Variants in NEGR1 observed in about 807,000 individuals in gnomAD.
NEGR1 encodes the protein neuronal growth regulator 1.
Under a neutral mutation model 40.9 loss-of-function variants are expected in NEGR1, and 10 were observed. The observed-to-expected ratio is 0.24, with a 90% CI of 0.15 to 0.42. The LOEUF (loss-of-function observed/expected upper bound fraction) is 0.42. Among genes scored for constraint, NEGR1 ranks in the 10% least tolerant of loss-of-function variants. The pLI is 1.00. For synonymous variants in NEGR1, 185 were observed against 166.8 expected, an observed-to-expected ratio of 1.11 and a Z score of -0.84; for missense variants, 352 against 438.9, an observed-to-expected ratio of 0.80 and a Z score of 1.77.
chr1:71,683,773 A>AAT (rs1652920285), intron 4 of NEGR1, among the ~76,000 whole-genome samples: 1 of 144,298 alleles, frequency 6.9e-6, no homozygotes, highest in Admixed American at 6.9e-5. Flanking sequence ...GTTACTTAGG[A>AAT]TTTTTTTTTT....
At chr1:71,996,998 T>G (rs1302146146) in intron 1 of NEGR1, among the ~76,000 whole-genome samples, 5 of 152,134 alleles carry the variant, frequency 3.3e-5, no homozygotes, top group African/African-American at 1.2e-4. Flanking sequence ...AGAGCTATGC[T>G]CTACTTCTCC....
At chr1:71,529,663 T>C (rs537913801) in intron 6 of NEGR1, among the ~76,000 whole-genome samples, 1 of 151,274 alleles carries the variant, frequency 6.6e-6, no homozygotes, top group East Asian at 2.0e-4. Context: ...AAGATTACAC[T>C]GGTTTAGTAA....
intron 2 of NEGR1, among the ~76,000 whole-genome samples, chr1:71,795,279 G>T (rs116207115): frequency 0.029 from 4,474 of 151,972 alleles, 99 homozygotes; most frequent in Middle Eastern, 0.068. Flanking sequence ...TCACCTGGGA[G>T]CTTTTTACAA....
At chr1:71,730,585 A>G (rs1054840401) in intron 3 of NEGR1, among the ~76,000 whole-genome samples, 23 of 146,458 alleles carry the variant, frequency 1.6e-4, no homozygotes, top group Admixed American at 6.1e-4. Flanking sequence ...ATATATATAT[A>G]TATATATAAA....
intron 6 of NEGR1, among the ~76,000 whole-genome samples, chr1:71,476,568 G>C (rs540845086): frequency 6.6e-6 from 1 of 152,026 alleles, no homozygotes; most frequent in African/African-American, 2.4e-5. Flanking sequence ...TAGGCTGTGG[G>C]CTTCAAGTCA....
At chr1:71,690,901 A>G (rs1653255490) in intron 4 of NEGR1, among the ~76,000 whole-genome samples, 1 of 151,930 alleles carries the variant, frequency 6.6e-6, no homozygotes, top group Admixed American at 6.6e-5. Flanking sequence ...TCTAGCAAAC[A>G]TTTTGCTCCT....
At chr1:72,277,563 T>C (rs1201296383) in intron 1 of NEGR1, among the ~76,000 whole-genome samples, 1 of 152,178 alleles carries the variant, frequency 6.6e-6, no homozygotes, top group Non-Finnish European at 1.5e-5. Context: ...TATCAAGTAA[T>C]ATATCTTGCC....
At chr1:71,933,615 C>T (rs1294057931) in intron 2 of NEGR1, among the ~76,000 whole-genome samples, 1 of 151,938 alleles carries the variant, frequency 6.6e-6, no homozygotes, top group Non-Finnish European at 1.5e-5. Flanking sequence ...AATCTCATGT[C>T]GGTTTCTGAA....
intron 2 of NEGR1, among the ~76,000 whole-genome samples, chr1:71,816,522 T>C (rs148307181): frequency 0.02 from 3,036 of 152,038 alleles, 46 homozygotes; most frequent in Middle Eastern, 0.058. Flanking sequence ...GAACTGCCCT[T>C]TATAAAACCA....
intron 1 of NEGR1, among the ~76,000 whole-genome samples, chr1:72,166,053 C>T (rs1019829194): frequency 1.3e-5 from 2 of 152,020 alleles, no homozygotes; most frequent in African/African-American, 2.4e-5. Flanking sequence ...AATTAGAGAC[C>T]GGGCACCTCT....
At position 71,656,548 on chromosome 1, in the gene NEGR1, G is replaced by A. The variant is rs188767284; in HGVS notation, c.667+41460C>T. On this transcript the variant is annotated intron_variant, in intron 4 of 6. Transcript: ENST00000357731. ...CTGCCTCAGCCTCCCGAGTAGCTGG[G>A]ATTACAGGCGCCCGCCACCGTGCCC... Among the ~76,000 whole-genome samples the A allele has an allele frequency of 2.1e-3, 327 of 152,202 alleles. 3 individuals carry two copies. The highest frequency in any genetic ancestry group is 4.0e-3 in the Non-Finnish European group (271 of 68,012).
chr1:72,026,902 A>G (rs569396637), intron 1 of NEGR1, among the ~76,000 whole-genome samples: 1 of 151,088 alleles, frequency 6.6e-6, no homozygotes, highest in African/African-American at 2.4e-5. Context: ...TAGTCTTAAG[A>G]CTCATGTTTT....
intron 1 of NEGR1, among the ~76,000 whole-genome samples, chr1:72,159,946 C>T (rs113007584): frequency 6.6e-6 from 1 of 151,980 alleles, no homozygotes; most frequent in Non-Finnish European, 1.5e-5. Context: ...CTCTTTGATA[C>T]AAAAATAATT....
intron 6 of NEGR1, among the ~76,000 whole-genome samples, chr1:71,526,392 G>A (rs1157979968): frequency 6.6e-6 from 1 of 151,472 alleles, no homozygotes; most frequent in East Asian, 1.9e-4. Flanking sequence ...ACAGTATTAT[G>A]TCTGCACAGT....
At chr1:72,238,532 T>C (rs1471925061) in intron 1 of NEGR1, among the ~76,000 whole-genome samples, 1 of 151,822 alleles carries the variant, frequency 6.6e-6, no homozygotes, top group Non-Finnish European at 1.5e-5. Context: ...ACTGCTCTAA[T>C]AGTCATTAAT....
Position 71,401,067 on chromosome 1 carries a change from G to A in NEGR1, c.*6379C>T, listed in dbSNP as rs879449144. ...AATTATGTCTCTTCATTGCAGAGAA[G>A]AATTTTTGCTGAAATGAAAAACCAC... On this transcript the variant is annotated 3_prime_UTR_variant, in exon 7 of 7. Coordinates refer to ENST00000357731, the MANE Select transcript of NEGR1 (RefSeq NM_173808.3). The A allele has an allele frequency of 2.0e-5, 3 of 152,128 alleles. No individual in the cohort carries two copies. Among genetic ancestry groups the A allele is most frequent in the African/African-American group, 7.2e-5 (3 of 41,438 alleles). The allele number at this position is 152,128 out of a possible 1,614,324, so 9.4% of individuals were successfully genotyped here.
At chr1:72,268,863 A>G (rs1655746576) in intron 1 of NEGR1, among the ~76,000 whole-genome samples, 1 of 151,334 alleles carries the variant, frequency 6.6e-6, no homozygotes, top group Non-Finnish European at 1.5e-5. Context: ...AAGAACGCGA[A>G]GAAGGAGCTA....
At chr1:71,741,570 T>C (rs181345243) in intron 3 of NEGR1, among the ~76,000 whole-genome samples, 127 of 152,308 alleles carry the variant, frequency 8.3e-4, no homozygotes, top group Non-Finnish European at 1.5e-5. Flanking sequence ...TAAATGTTTA[T>C]GTTCCCCCAA....
intron 1 of NEGR1, among the ~76,000 whole-genome samples, chr1:72,233,234 G>C (rs1299633465): frequency 1.3e-5 from 2 of 152,100 alleles, no homozygotes; most frequent in Non-Finnish European, 2.9e-5. Context: ...CTTGAGTAGG[G>C]AGTAGCAATC....
Sources: gnomAD v4.1 joint callset for allele counts (sites outside exome capture counted in the v4.1 genomes callset) on GRCh38, gnomAD v4.1.1 for gene constraint, MANE v1.5 for transcripts, NCBI Gene and HGNC (gene_info 2026-07-23, HGNC 2026-07-21) for gene names.